The following GHR variants were observed in gnomAD, a reference collection of about 807,000 sequenced individuals.
The protein encoded by GHR is GH receptor.
A neutral mutation model predicts 67.1 loss-of-function variants in GHR; 35 were observed. The observed-to-expected ratio is 0.52, with a 90% CI of 0.40 to 0.69. The LOEUF is 0.69. Ranked by LOEUF, GHR falls within the 30% of genes least tolerant of loss-of-function variation. The pLI is 0.00. For synonymous variants in GHR, 272 were observed against 269.1 expected, an observed-to-expected ratio of 1.01 and a Z score of -0.10; for missense variants, 792 against 764.6, an observed-to-expected ratio of 1.04 and a Z score of -0.42.
At chr5:42,648,676 A>T (rs1179233834) in intron 3 of GHR, among the ~76,000 whole-genome samples, 1 of 151,190 alleles carries the variant, frequency 6.6e-6, no homozygotes, top group African/African-American at 2.4e-5. Context: ...AATAAGTAAT[A>T]GTACTACTAC....
At chr5:42,649,288 A>T (rs1471009466) in intron 3 of GHR, among the ~76,000 whole-genome samples, 1 of 152,176 alleles carries the variant, frequency 6.6e-6, no homozygotes, top group African/African-American at 2.4e-5. Context: ...AGTCACTAAT[A>T]TTTCATTAAC....
At chr5:42,560,181 T>C (rs1288293545) in intron 1 of GHR, among the ~76,000 whole-genome samples, 3 of 152,224 alleles carry the variant, frequency 2.0e-5, no homozygotes, top group African/African-American at 7.2e-5. Flanking sequence ...TATTATTCCC[T>C]GTGTGGCTTA....
chr5:42,671,955 C>CA (rs33965774), intron 3 of GHR, among the ~76,000 whole-genome samples: 79,115 of 110,960 alleles, frequency 0.71, 27,432 homozygotes, highest in East Asian at 0.84. Flanking sequence ...GACTCCGTCT[C>CA]AAAAAAAAAA....
chr5:42,584,749 A>T (rs921650758), intron 2 of GHR, among the ~76,000 whole-genome samples: 1 of 151,976 alleles, frequency 6.6e-6, no homozygotes, highest in Non-Finnish European at 1.5e-5. Context: ...CTGTTAGAAC[A>T]CTCATACAGA....
intron 1 of GHR, among the ~76,000 whole-genome samples, chr5:42,512,536 T>C (rs1174701992): frequency 6.6e-6 from 1 of 152,178 alleles, no homozygotes; most frequent in Non-Finnish European, 1.5e-5. Context: ...AACTGTCAAC[T>C]ATAAGGCTGT....
chr5:42,474,329 G>GAAAGAAAGAAAGAAAGAAAGAAAGA (rs1252314518), intron 1 of GHR, among the ~76,000 whole-genome samples: 1 of 146,422 alleles, frequency 6.8e-6, no homozygotes. Context: ...AAGAAAGAAA[G>GAAAGAAAGAAAGAAAGAAAGAAAGA]AAAGAAAGAA....
intron 1 of GHR, among the ~76,000 whole-genome samples, chr5:42,461,772 G>GA (rs1350847513): frequency 6.6e-6 from 1 of 152,128 alleles, no homozygotes; most frequent in Non-Finnish European, 1.5e-5. Context: ...AAGGGGACAT[G>GA]AAAAAAGAAA....
At chr5:42,546,030 T>G (rs1188071275) in intron 1 of GHR, among the ~76,000 whole-genome samples, 1 of 152,232 alleles carries the variant, frequency 6.6e-6, no homozygotes, top group Non-Finnish European at 1.5e-5. Flanking sequence ...GATTTATAGC[T>G]GTCTTAGATA....
At chr5:42,527,891 A>G (rs773475183) in intron 1 of GHR, among the ~76,000 whole-genome samples, 1 of 152,110 alleles carries the variant, frequency 6.6e-6, no homozygotes, top group Non-Finnish European at 1.5e-5. Flanking sequence ...TGCTAAATCT[A>G]CTCTGTCTAT....
chr5:42,632,814 A>G (rs1753995280), intron 3 of GHR, among the ~76,000 whole-genome samples: 1 of 152,244 alleles, frequency 6.6e-6, no homozygotes. Context: ...GTTTAAAGAG[A>G]TATCCAAACA....
At chr5:42,691,233 G>C (rs78163334) in intron 4 of GHR, among the ~76,000 whole-genome samples, 4,723 of 152,306 alleles carry the variant, frequency 0.031, 222 homozygotes, top group African/African-American at 0.1. Flanking sequence ...TGCCCTGGTA[G>C]TGTTTGGAAT....
chr5:42,483,000 A>G (rs1217868068), intron 1 of GHR, among the ~76,000 whole-genome samples: 1 of 151,992 alleles, frequency 6.6e-6, no homozygotes, highest in African/African-American at 2.4e-5. Context: ...GACTGGAGCT[A>G]TTCCTATTTG....
rs10716908 is a variant in GHR at position 42,588,526 on chromosome 5, C to CAAAAAAAAAAAAAAAA, written c.70+22592_70+22607dup. 3.3e-3 allele frequency among the ~76,000 whole-genome samples: 151 copies of CAAAAAAAAAAAAAAAA among 45,116 alleles called. 13 individuals carry two copies. The highest frequency in any genetic ancestry group is 5.7e-3 in the South Asian group (5 of 874). The allele number at this position is 45,116 out of a possible 152,430, so 29.6% of individuals were successfully genotyped here. ...GGGCAGCAAAAGCGAAACTCCATCT[C>CAAAAAAAAAAAAAAAA]AAAAAAAAAAAAAAAAAAAAAAAAA... On this transcript the variant is annotated intron_variant, in intron 2 of 9. Transcript: ENST00000230882.
intron 1 of GHR, among the ~76,000 whole-genome samples, chr5:42,561,258 A>G (rs1333933389): frequency 6.6e-6 from 1 of 151,930 alleles, no homozygotes; most frequent in Non-Finnish European, 1.5e-5. Context: ...CTGACCTTCT[A>G]TTTTCGGGTA....
chr5:42,479,280 G>A (rs1292484142), intron 1 of GHR, among the ~76,000 whole-genome samples: 12 of 152,068 alleles, frequency 7.9e-5, no homozygotes, highest in East Asian at 7.7e-4. Flanking sequence ...TGCTGGATTC[G>A]GTTTGCCAGT....
In GHR at chr5:42,463,667, C is replaced by A. The variant is rs558436310; in HGVS notation, c.-12+39712C>A. On this transcript the variant is annotated intron_variant, in intron 1 of 9. Transcript: ENST00000230882. Reference sequence around the variant, plus strand: ...TTTAGCTGTAATTCATGTTTTATCACCATTGGATTTTCAAAACGGAAAATA... The same window carrying A: ...TTTAGCTGTAATTCATGTTTTATCAACATTGGATTTTCAAAACGGAAAATA... Among the ~76,000 whole-genome samples, 170 of 152,216 alleles carry A rather than the reference C, an allele frequency of 1.1e-3. 1 individual carries two copies. The highest frequency in any genetic ancestry group is 4.0e-3 in the African/African-American group (168 of 41,534).
intron 3 of GHR, among the ~76,000 whole-genome samples, chr5:42,647,426 T>C (rs2112810725): frequency 6.6e-6 from 1 of 151,850 alleles, no homozygotes; most frequent in South Asian, 2.1e-4. Flanking sequence ...TAAAAAAATA[T>C]AGCTGGGCGT....
chr5:42,583,897 A>AT (rs759855239), intron 2 of GHR, among the ~76,000 whole-genome samples: 2,084 of 149,402 alleles, frequency 0.014, 22 homozygotes, highest in Middle Eastern at 0.035. Flanking sequence ...ATATATATAT[A>AT]AATTCTTACA....
rs997349150 is a variant in GHR at position 42,424,620 on chromosome 5, C to A, written c.-12+665C>A. Reference sequence around the variant, plus strand: ...TGGGGTAAGTGGAAATTGTGGCGAGCCGACCTCCCCCAGCTTTTGACACAC... The same window carrying A: ...TGGGGTAAGTGGAAATTGTGGCGAGACGACCTCCCCCAGCTTTTGACACAC... On this transcript the variant is annotated intron_variant, in intron 1 of 9. Transcript: ENST00000230882. The surrounding 1 kb of genome is among the most constrained non-coding windows in gnomAD (Gnocchi z 4.1). The A allele has an allele frequency of 3.9e-6, 6 of 1,530,758 alleles. No homozygotes were observed. The highest frequency in any genetic ancestry group is 5.3e-6 in the Non-Finnish European group (6 of 1,142,498). The allele number at this position is 1,530,758 out of a possible 1,614,324, so 94.8% of individuals were successfully genotyped here.
Sources: allele counts gnomAD v4.1 joint callset (sites outside exome capture counted in the v4.1 genomes callset), GRCh38; gene constraint gnomAD v4.1.1; non-coding constraint Gnocchi (gnomAD v3.1); transcripts MANE v1.5; gene names NCBI Gene and HGNC (gene_info 2026-07-23, HGNC 2026-07-21).